EXD3: variants seen among roughly 807,000 people sequenced by gnomAD.
EXD3 encodes the protein exonuclease 3'-5' domain containing 3, also known as exonuclease mut-7 homolog.
In EXD3, 92 loss-of-function variants were observed where a neutral mutation model predicts 98.0. The ratio of observed to expected loss-of-function variants is 0.94; its 90% CI spans 0.79 to 1.12. The LOEUF (loss-of-function observed/expected upper bound fraction) is 1.12. EXD3 is among the 50% of genes most tolerant of loss of function. The pLI is 0.00. For synonymous variants in EXD3, 569 were observed against 526.0 expected, an observed-to-expected ratio of 1.08 and a Z score of -1.12; for missense variants, 1,222 against 1,191.6, an observed-to-expected ratio of 1.03 and a Z score of -0.38.
chr9:137,409,350 T>C (rs1837885724), intron 1 of EXD3, among the ~76,000 whole-genome samples: 1 of 152,220 alleles, frequency 6.6e-6, no homozygotes, highest in Non-Finnish European at 1.5e-5. Context: ...CCCTTAGACT[T>C]AGCCTCCAGA....
intron 20 of EXD3, 138 bp from the exon 21 acceptor site, chr9:137,307,784 C>T (rs923413634): frequency 2.1e-5 from 20 of 947,988 alleles, no homozygotes; most frequent in South Asian, 9.7e-5. Context: ...CCCCAGCCTT[C>T]GCAGACGGGC....
intron 8 of EXD3, among the ~76,000 whole-genome samples, chr9:137,355,628 TGGAGGAAGGAGGAAGGAGGAAGGAGGAA>T (rs1564508917): frequency 2.0e-4 from 1 of 4,912 alleles, no homozygotes; most frequent in African/African-American, 5.1e-4. Context: ...GAAGGGAGGA[TGGAGGAAGGAGGAAGGAGGAAGGAGGAA>T]GGAGGAAGGA....
Position 137,352,780 on chromosome 9 carries a change from C to A in EXD3, c.877G>T (p.Val293Leu). Residue 293 changes from valine to leucine, a missense_variant, in exon 11 of 22, where the codon GTG becomes TTG. By Grantham distance (32) the Val-to-Leu change is conservative (BLOSUM62 1). Transcript: ENST00000340951. Reference sequence around the variant, plus strand: ...TCCTGAAGCCACGGGCTCTGCCCCACCAGGCCCTGTGAGGAGGGTGGCCGT... The same window carrying A: ...TCCTGAAGCCACGGGCTCTGCCCCAACAGGCCCTGTGAGGAGGGTGGCCGT... The part of the protein sequence containing the change: ...ENWTDHVQGL[V>L]GQSPWLQEQL... 6.3e-7 allele frequency: 1 copy of A among 1,581,480 alleles called. No individual in the cohort carries two copies.
intron 16 of EXD3, 140 bp from the exon 17 acceptor site, chr9:137,348,378 T>A: frequency 1.9e-6 from 2 of 1,047,928 alleles, no homozygotes; most frequent in Non-Finnish European, 2.7e-6. Context: ...GTGCTGTGCA[T>A]AAAACAGCAG....
intron 7 of EXD3, among the ~76,000 whole-genome samples, chr9:137,361,702 C>T (rs1016795375): frequency 4.1e-5 from 6 of 147,024 alleles, no homozygotes; most frequent in Non-Finnish European, 5.9e-5. Flanking sequence ...GCTGAGATCG[C>T]GCCACTGCAC....
At chr9:137,399,314 C>T (rs1001013361) in intron 1 of EXD3, among the ~76,000 whole-genome samples, 21 of 152,222 alleles carry the variant, frequency 1.4e-4, no homozygotes, top group East Asian at 5.8e-4. Flanking sequence ...GCTCCGTGGC[C>T]ACCCTTCTGC....
intron 3 of EXD3, among the ~76,000 whole-genome samples, chr9:137,375,693 C>T (rs931083059): frequency 2.0e-5 from 3 of 151,122 alleles, no homozygotes; most frequent in African/African-American, 4.9e-5. Context: ...TTCTAGCTTT[C>T]GTGAGTTCTA....
chr9:137,362,855 G>T (rs1835055885), intron 7 of EXD3, among the ~76,000 whole-genome samples: 1 of 152,108 alleles, frequency 6.6e-6, no homozygotes. Flanking sequence ...TTGTAGCCCA[G>T]GCTGCAGTGC....
intron 2 of EXD3, among the ~76,000 whole-genome samples, chr9:137,386,465 G>A (rs944626437): frequency 6.6e-6 from 1 of 151,882 alleles, no homozygotes; most frequent in Non-Finnish European, 1.5e-5. Flanking sequence ...CAGGTGGGCA[G>A]GGTCTGCCCC....
In EXD3 at chr9:137,393,376, G is replaced by A; in HGVS notation, c.55+1927C>T. 1 of 645,308 alleles carries A rather than the reference G, an allele frequency of 1.5e-6. No homozygotes were observed. Among genetic ancestry groups the A allele is most frequent in the Non-Finnish European group, 2.8e-6 (1 of 355,824 alleles). The allele number at this position is 645,308 out of a possible 1,614,324, so 40.0% of individuals were successfully genotyped here. ...CCGGGGCCCGCAGATGGCCTCAGAG[G>A]AGGCGGTGGATGAACGGAAGGGTGA... On this transcript the variant is annotated intron_variant, in intron 2 of 21. Transcript: ENST00000340951. This position sits in a 1 kb window ranked among gnomAD's most constrained non-coding sequence, Gnocchi z 4.6.
intron 3 of EXD3, chr9:137,377,064 T>C (rs1368845000): frequency 6.6e-6 from 1 of 152,130 alleles, no homozygotes; most frequent in Non-Finnish European, 1.5e-5. Flanking sequence ...CCAGACCTCA[T>C]TCCTCTGACC....
chr9:137,403,373 G>C lies in EXD3; in HGVS notation c.-47-7969C>G, dbSNP rs1317161782. On this transcript the variant is annotated intron_variant, in intron 1 of 21. Transcript: ENST00000340951. This position sits in a 1 kb window ranked among gnomAD's most constrained non-coding sequence, Gnocchi z 6.1. ...GCCAGCCACTGAGTTTGGGGGCACAGGCAGGGAGCTGCAGACCCCGTTCCT... is the reference window on the plus strand; with the variant it reads ...GCCAGCCACTGAGTTTGGGGGCACACGCAGGGAGCTGCAGACCCCGTTCCT... Among the ~76,000 whole-genome samples, 2 of 152,012 alleles carry C rather than the reference G, an allele frequency of 1.3e-5. No homozygotes were observed. The highest frequency in any genetic ancestry group is 4.8e-5 in the African/African-American group (2 of 41,388).
intron 17 of EXD3, among the ~76,000 whole-genome samples, chr9:137,344,931 A>T (rs1006268987): frequency 6.6e-6 from 1 of 150,864 alleles, no homozygotes; most frequent in African/African-American, 2.4e-5. Context: ...TAAGCAGCAG[A>T]AACAGGCCAG....
chr9:137,388,507 G>A (rs554768409), intron 2 of EXD3, among the ~76,000 whole-genome samples: 7 of 152,248 alleles, frequency 4.6e-5, no homozygotes, highest in African/African-American at 1.7e-4. Context: ...CGAAGGCTCT[G>A]TTATTCCCGA....
Position 137,356,219 on chromosome 9 carries a change from T to C in EXD3, c.757+49A>G, listed in dbSNP as rs374405734. The C allele has an allele frequency of 3.2e-5, 46 of 1,419,028 alleles. No homozygotes were observed. The African/African-American group carries it at 5.5e-4, about 17-fold the overall frequency. 87.9% of individuals were successfully genotyped at this position (1,419,028 alleles called of 1,614,324 possible). A position where few individuals can be genotyped will look rare whatever the true frequency, so the allele number is the denominator to read the frequency against. On this transcript the variant is annotated intron_variant, in intron 8 of 21. Coordinates refer to ENST00000340951, the MANE Select transcript of EXD3 (RefSeq NM_017820.5). ...CACAGAGGATGTCCCTGGCCACGCT[T>C]GGCGGCTCTCCCTGGCCTGTGGGGC...
intron 19 of EXD3, among the ~76,000 whole-genome samples, chr9:137,322,232 C>T (rs1239705296): frequency 6.6e-6 from 1 of 152,154 alleles, no homozygotes; most frequent in African/African-American, 2.4e-5. Flanking sequence ...TTCTAGAAGC[C>T]CCATGGGAGC....
At chr9:137,337,993 T>C (rs1833450460) in intron 17 of EXD3, among the ~76,000 whole-genome samples, 1 of 152,078 alleles carries the variant, frequency 6.6e-6, no homozygotes, top group Non-Finnish European at 1.5e-5. Flanking sequence ...TTCACTGTGT[T>C]AGCCAGGATG....
At position 137,356,253 on chromosome 9, in the gene EXD3, G is replaced by T. The variant is rs1362767976; in HGVS notation, c.757+15C>A. 6.3e-7 allele frequency: 1 copy of T among 1,578,682 alleles called. No individual in the cohort carries two copies. Among genetic ancestry groups the T allele is most frequent in the East Asian group, 2.3e-5 (1 of 43,566 alleles). On this transcript the variant is annotated intron_variant, in intron 8 of 21. Transcript: ENST00000340951. ...TCCCTGGCCTGTGGGGCAGGAATGT[G>T]GGGGCTGGACTCACCTGGGGCTACG...
chr9:137,327,131 G>A (rs1203499616), intron 17 of EXD3, among the ~76,000 whole-genome samples: 1 of 151,384 alleles, frequency 6.6e-6, no homozygotes, highest in Non-Finnish European at 1.5e-5. Flanking sequence ...TATTGGTACG[G>A]AGTCTTTTTT....
Sources: gnomAD v4.1 joint callset for allele counts (sites outside exome capture counted in the v4.1 genomes callset) on GRCh38, gnomAD v4.1.1 for gene constraint, Gnocchi (gnomAD v3.1) non-coding constraint, MANE v1.5 for transcripts, NCBI Gene and HGNC (gene_info 2026-07-23, HGNC 2026-07-21) for gene names.